Variants in NUP85 observed in about 807,000 individuals in gnomAD.
NUP85 encodes nucleoporin 85.
Under a neutral mutation model 92.8 loss-of-function variants are expected in NUP85, and 23 were observed. The observed-to-expected ratio is 0.25, with a 90% confidence interval of 0.18 to 0.35. The LOEUF is 0.35. Ranked by LOEUF, NUP85 falls within the 10% of genes least tolerant of loss-of-function variation. The pLI, the probability that NUP85 is intolerant of heterozygous loss-of-function variation, is 1.00. For synonymous variants in NUP85, 314 were observed against 306.9 expected (o/e 1.02, Z -0.24); for missense variants, 759 against 822.8 (o/e 0.92, Z 0.95).
rs2076046372 is a variant in NUP85, at chr17:75,231,253, CAT to C, written c.1095-86_1095-85del. ...GGCCCCATCTCTTTGAGGGACAGGA[CAT>C]GTGGGGTTTCTTGCTCACCCCCACT... On this transcript the variant is annotated intron_variant, in intron 11 of 18. Transcript: ENST00000245544. The surrounding 1 kb of genome is among the most constrained non-coding windows in gnomAD (Gnocchi z 4.6). 10 of 1,219,048 alleles carry C rather than the reference CAT, an allele frequency of 8.2e-6. No homozygotes were observed. The Admixed American group carries it at 1.2e-4, about 15-fold the overall frequency. 75.5% of individuals were successfully genotyped at this position (1,219,048 alleles called of 1,614,324 possible). A position where few individuals can be genotyped will look rare whatever the true frequency, so the allele number is the denominator to read the frequency against.
intron 18 of NUP85, 60 bp downstream of exon 18, chr17:75,235,261 T>C: frequency 7.9e-7 from 1 of 1,261,512 alleles, no homozygotes; most frequent in Non-Finnish European, 1.1e-6. Context: ...TCCCTCTATC[T>C]CAGGCTTCCC....
intron 1 of NUP85, 139 bp downstream of exon 1, chr17:75,205,933 G>T (rs984281594): frequency 1.1e-5 from 11 of 1,000,780 alleles, no homozygotes; most frequent in Admixed American, 1.1e-4. Flanking sequence ...CTTTTCCGGA[G>T]GTCGCAGTGT....
intron 1 of NUP85, among the ~76,000 whole-genome samples, chr17:75,207,869 A>G (rs1016328084): frequency 2.6e-5 from 4 of 151,932 alleles, no homozygotes; most frequent in Admixed American, 1.3e-4. Context: ...GCGTGCCTGT[A>G]ATCCCACCTA....
intron 17 of NUP85, 92 bp from the exon 18 acceptor site, chr17:75,235,008 A>T (rs1203510642): frequency 8.0e-6 from 9 of 1,120,900 alleles, no homozygotes; most frequent in Non-Finnish European, 1.2e-5. Flanking sequence ...TGCGAAGGGT[A>T]TGAAAGGAAG....
intron 2 of NUP85, 54 bp from the exon 3 acceptor site, chr17:75,209,769 C>G: frequency 6.8e-7 from 1 of 1,470,706 alleles, no homozygotes; most frequent in Middle Eastern, 2.0e-4. Context: ...AGTAGATTCA[C>G]TTTTGGAGAT....
intron 16 of NUP85, 132 bp from the exon 17 acceptor site, chr17:75,234,505 A>T: frequency 1.2e-6 from 1 of 832,048 alleles, no homozygotes; most frequent in East Asian, 2.4e-5. Context: ...GACAGAAAAA[A>T]ATCTCCTGCT....
intron 2 of NUP85, 27 bp from the exon 3 acceptor site, chr17:75,209,796 A>G (rs767075207): frequency 4.5e-6 from 7 of 1,563,264 alleles, no homozygotes; most frequent in Non-Finnish European, 6.0e-6. Context: ...AATAGATGTT[A>G]AATTTTTTTT....
At chr17:75,227,326 GTTTTTTTTTTT>G (rs71159460) in intron 11 of NUP85, among the ~76,000 whole-genome samples, 1 of 114,152 alleles carries the variant, frequency 8.8e-6, no homozygotes, top group Admixed American at 1.0e-4. Context: ...TTGTTTCTGG[GTTTTTTTTTTT>G]TTTTTTTTTT....
intron 11 of NUP85, chr17:75,228,597 T>A: frequency 1.0e-6 from 1 of 985,440 alleles, no homozygotes; most frequent in Non-Finnish European, 1.2e-6. Flanking sequence ...TCTCATGGGA[T>A]GTATCAGTCA....
chr17:75,216,348 CT>C (rs1354770870), intron 6 of NUP85: 1 of 152,592 alleles, frequency 6.6e-6, no homozygotes, highest in African/African-American at 2.4e-5. Flanking sequence ...TCACCGCAAC[CT>C]CCACCTCCTG....
chr17:75,226,828 C>A, intron 11 of NUP85: 1 of 430,296 alleles, frequency 2.3e-6, no homozygotes, highest in South Asian at 1.7e-5. Flanking sequence ...TTCTTGGCAC[C>A]TAATGGACAC....
In NUP85 at chr17:75,231,768, GT is replaced by G; in HGVS notation, c.1245-59del. 6.2e-7 allele frequency: 1 copy of G among 1,609,690 alleles called. No individual in the cohort carries two copies. The highest frequency in any genetic ancestry group is 8.5e-7 in the Non-Finnish European group (1 of 1,176,836). On this transcript the variant is annotated intron_variant, in intron 13 of 18. Coordinates refer to ENST00000245544, the MANE Select transcript of NUP85 (RefSeq NM_024844.5). This position sits in a 1 kb window ranked among gnomAD's most constrained non-coding sequence, Gnocchi z 4.6. The stretch of plus-strand genomic sequence containing the variant: ...AAGGGTCAGTGAAAGGGAGCTGTAG[GT>G]GCCAGTCCTCGGAGCCATGAGGCAG...
At chr17:75,213,870 T>G (rs1412443552) in intron 5 of NUP85, among the ~76,000 whole-genome samples, 2 of 146,938 alleles carry the variant, frequency 1.4e-5, no homozygotes, top group East Asian at 2.0e-4. Context: ...AAGTTTTTTT[T>G]TTTTTTTTTT....
chr17:75,209,967 G>C lies in NUP85; in HGVS notation c.272G>C (p.Gly91Ala), dbSNP rs2075207572. 2 of 1,586,502 alleles carry C rather than the reference G, an allele frequency of 1.3e-6. No homozygotes were observed. Among genetic ancestry groups the C allele is most frequent in the East Asian group, 2.3e-5 (1 of 43,620 alleles). ...CAGAGAATTGACGAAGAGTTGACTG[G>C]AAAATCCAGAAAATCTCAGTAAGTT... ...GLQRIDEELT[G>A]KSRKSQLVRV... Residue 91 changes from glycine to alanine, a missense_variant, in exon 3 of 19, where the codon GGA (glycine) becomes GCA (alanine). Coordinates refer to ENST00000245544, the MANE Select transcript of NUP85 (RefSeq NM_024844.5).
rs115256860 is a variant in NUP85, at chr17:75,229,441, C to T, written c.1095-1899C>T. ...TCACCGTAGCTGGTCTTCCCAACTC[C>T]GCAGCGTTCTCTCGTTTTCAGCAGA... On this transcript the variant is annotated intron_variant, in intron 11 of 18. Transcript: ENST00000245544. Among the ~76,000 whole-genome samples, 735 of 152,260 alleles carry T rather than the reference C, an allele frequency of 4.8e-3. 8 individuals are homozygous for T. The highest frequency in any genetic ancestry group is 0.016 in the African/African-American group (681 of 41,534).
In NUP85 at chr17:75,231,241, T is replaced by C. The variant is rs1237507242; in HGVS notation, c.1095-99T>C. On this transcript the variant is annotated intron_variant, in intron 11 of 18. Transcript: ENST00000245544. The surrounding 1 kb of genome is among the most constrained non-coding windows in gnomAD (Gnocchi z 4.6). ...ATCATCACGCCCGGCCCCATCTCTT[T>C]GAGGGACAGGACATGTGGGGTTTCT... The C allele has an allele frequency of 8.7e-7, 1 of 1,153,456 alleles. No individual in the cohort carries two copies. Among genetic ancestry groups the C allele is most frequent in the East Asian group, 2.3e-5 (1 of 42,690 alleles). 71.5% of individuals were successfully genotyped at this position (1,153,456 alleles called of 1,614,324 possible).
rs1278795185 is a variant in NUP85, at chr17:75,233,375, CTTTCTCTCTTTCTT to C, written c.1615+219_1615+232del. ...TTTGTTTGTTTGTTTGTTTTTCTTTCTTTCTCTCTTTCTTTCTCTTTCTCTTTCTCTTTCTTTCT... is the reference window on the plus strand; with the variant it reads ...TTTGTTTGTTTGTTTGTTTTTCTTTCTCTCTTTCTCTTTCTCTTTCTTTCT... On this transcript the variant is annotated intron_variant, in intron 16 of 18. Coordinates refer to ENST00000245544, the MANE Select transcript of NUP85 (RefSeq NM_024844.5). Among the ~76,000 whole-genome samples, 4 of 97,514 alleles carry C rather than the reference CTTTCTCTCTTTCTT, an allele frequency of 4.1e-5. No individual in the cohort carries two copies. In the Admixed American group the frequency reaches 4.8e-4, roughly 12 times the overall value. 64.0% of individuals were successfully genotyped at this position (97,514 alleles called of 152,430 possible).
At chr17:75,211,763 A>G (rs1477303523) in intron 3 of NUP85, among the ~76,000 whole-genome samples, 2 of 152,172 alleles carry the variant, frequency 1.3e-5, no homozygotes, top group Non-Finnish European at 2.9e-5. Flanking sequence ...TTTCATCTGC[A>G]ACAATTAATG....
chr17:75,233,280 C>T (rs772881356), intron 16 of NUP85, 122 bp downstream of exon 16: 10 of 724,422 alleles, frequency 1.4e-5, no homozygotes, highest in Non-Finnish European at 1.9e-5. Context: ...TCAGTGGTCC[C>T]AGAAACATCC....
Sources: gnomAD v4.1 joint callset for allele counts (sites outside exome capture counted in the v4.1 genomes callset) on GRCh38, gnomAD v4.1.1 for gene constraint, Gnocchi (gnomAD v3.1) non-coding constraint, MANE v1.5 for transcripts, NCBI Gene and HGNC (gene_info 2026-07-23, HGNC 2026-07-21) for gene names.